SMCO2: variants seen among roughly 807,000 people sequenced by gnomAD.
SMCO2 encodes the protein single-pass membrane protein with coiled-coil domains 2.
A neutral mutation model predicts 29.5 loss-of-function variants in SMCO2; 25 were observed. The observed-to-expected ratio is 0.85, with a 90% CI of 0.62 to 1.18. The LOEUF (loss-of-function observed/expected upper bound fraction) is 1.18, where lower values mean the gene tolerates loss of function less well. Ranked by LOEUF, SMCO2 falls within the 50% of genes most tolerant of loss-of-function variation. The pLI is 0.00. For synonymous variants in SMCO2, 117 were observed against 123.3 expected (o/e 0.95, Z 0.34); for missense variants, 348 against 344.5 (o/e 1.01, Z -0.08).
At chr12:27,478,128 T>TGGTG (rs1486804411) in intron 4 of SMCO2, among the ~76,000 whole-genome samples, 5 of 152,206 alleles carry the variant, frequency 3.3e-5, no homozygotes, top group Non-Finnish European at 4.4e-5. Context: ...CTTTGATTAT[T>TGGTG]GGTGGGTGGG....
intron 1 of SMCO2, among the ~76,000 whole-genome samples, chr12:27,468,866 A>G (rs1181657321): frequency 1.3e-5 from 2 of 152,212 alleles, no homozygotes; most frequent in African/African-American, 4.8e-5. Context: ...TGTTGTGAGA[A>G]CTGAATGAGA....
At chr12:27,470,668 T>G (rs1949533559) in exon 2 of SMCO2, 1 of 1,551,034 alleles carries the variant, frequency 6.4e-7, no homozygotes, top group Non-Finnish European at 8.7e-7. Flanking sequence ...TAACAAAATG[T>G]CTCTGCAGAT....
At chr12:27,457,430 A>G in the SMCO2 span, among the ~76,000 whole-genome samples, 1 of 152,162 alleles carries the variant, frequency 6.6e-6, no homozygotes, top group Non-Finnish European at 1.5e-5. Context: ...TCTCTTGCAT[A>G]TATTAACTCA....
the SMCO2 span, among the ~76,000 whole-genome samples, chr12:27,454,819 T>C: frequency 6.6e-6 from 1 of 152,182 alleles, no homozygotes; most frequent in African/African-American, 2.4e-5. Context: ...AGTGAGAACA[T>C]GTGGTGTTTG....
At chr12:27,498,348 T>C (rs1943036370) in intron 7 of SMCO2, 2 of 225,516 alleles carry the variant, frequency 8.9e-6, no homozygotes, top group African/African-American at 2.4e-5. Flanking sequence ...CATGGCATTT[T>C]ATGGCTCCCT....
chr12:27,494,685 T>C (rs1942976836), intron 6 of SMCO2, among the ~76,000 whole-genome samples: 1 of 152,068 alleles, frequency 6.6e-6, no homozygotes, highest in South Asian at 2.1e-4. Flanking sequence ...GGCCCTGGTG[T>C]ATGATGTACC....
the SMCO2 span, among the ~76,000 whole-genome samples, chr12:27,453,415 G>A: frequency 6.6e-6 from 1 of 152,220 alleles, no homozygotes; most frequent in Non-Finnish European, 1.5e-5. Flanking sequence ...TACCTTGGAT[G>A]AAAGCCCAAC....
the SMCO2 span, among the ~76,000 whole-genome samples, chr12:27,436,064 T>C: frequency 6.6e-6 from 1 of 152,246 alleles, no homozygotes; most frequent in Non-Finnish European, 1.5e-5. Context: ...GTCTTCCTGC[T>C]GTGTCCTCAC....
At chr12:27,471,184 T>C (rs890059693) in intron 2 of SMCO2, among the ~76,000 whole-genome samples, 4 of 152,162 alleles carry the variant, frequency 2.6e-5, no homozygotes, top group Non-Finnish European at 5.9e-5. Context: ...CCTTTTTAAC[T>C]AGGAAAACAT....
intron 4 of SMCO2, among the ~76,000 whole-genome samples, chr12:27,478,869 A>G (rs2135554861): frequency 6.6e-6 from 1 of 151,908 alleles, no homozygotes; most frequent in South Asian, 2.1e-4. Flanking sequence ...CTGTCCTCAA[A>G]CTCCTCAATG....
At chr12:27,465,500 C>A (rs549286510), upstream of SMCO2, among the ~76,000 whole-genome samples, 88 of 152,284 alleles carry the variant, frequency 5.8e-4, 4 homozygotes, top group South Asian at 0.017. Context: ...CTAGGTAGGG[C>A]ATGCAGTACA....
intron 5 of SMCO2, among the ~76,000 whole-genome samples, chr12:27,491,813 C>T (rs916007046): frequency 6.6e-6 from 1 of 151,778 alleles, no homozygotes; most frequent in African/African-American, 2.4e-5. Flanking sequence ...AAGTGATTCT[C>T]ATGCCTCAGT....
At chr12:27,451,603 T>C in the SMCO2 span, among the ~76,000 whole-genome samples, 2 of 152,184 alleles carry the variant, frequency 1.3e-5, no homozygotes, top group Non-Finnish European at 2.9e-5. Flanking sequence ...TTCCTGAGCT[T>C]AGGAACGCTG....
At chr12:27,464,389 G>A (rs553576244), upstream of SMCO2, among the ~76,000 whole-genome samples, 77 of 152,096 alleles carry the variant, frequency 5.1e-4, no homozygotes, top group Non-Finnish European at 1.0e-3. Flanking sequence ...CAGCTGTTGG[G>A]GCCCATATAT....
the SMCO2 span, among the ~76,000 whole-genome samples, chr12:27,425,999 G>T: frequency 2.0e-5 from 3 of 152,204 alleles, no homozygotes; most frequent in Non-Finnish European, 4.4e-5. Flanking sequence ...CAGGTCAACA[G>T]CCTGGAATAT....
intron 3 of SMCO2, among the ~76,000 whole-genome samples, 196 bp from the exon 4 acceptor site, chr12:27,474,590 G>A (rs1247518874): frequency 6.6e-6 from 1 of 152,104 alleles, no homozygotes; most frequent in Non-Finnish European, 1.5e-5. Context: ...TTCTCTCCAT[G>A]CCCCTGCCTC....
At chr12:27,492,575 A>C (rs1431545354) in intron 5 of SMCO2, among the ~76,000 whole-genome samples, 1 of 152,226 alleles carries the variant, frequency 6.6e-6, no homozygotes, top group Non-Finnish European at 1.5e-5. Flanking sequence ...AAACATATGA[A>C]AAAAAGCTCA....
At chr12:27,436,512 G>A in the SMCO2 span, among the ~76,000 whole-genome samples, 2 of 152,142 alleles carry the variant, frequency 1.3e-5, no homozygotes, top group Non-Finnish European at 2.9e-5. Flanking sequence ...TCTAGCAGAA[G>A]AGGAGAGGGG....
intron 7 of SMCO2, among the ~76,000 whole-genome samples, chr12:27,496,372 C>A (rs1409767707): frequency 6.6e-6 from 1 of 150,448 alleles, no homozygotes; most frequent in African/African-American, 2.5e-5. Flanking sequence ...AGATTTATTT[C>A]TATCTACATA....
Sources: gnomAD v4.1 joint callset for allele counts (sites outside exome capture counted in the v4.1 genomes callset) on GRCh38, gnomAD v4.1.1 for gene constraint, MANE v1.5 for transcripts, NCBI Gene and HGNC (gene_info 2026-07-23, HGNC 2026-07-21) for gene names.